CDON: variants seen among roughly 807,000 people sequenced by gnomAD.
The protein encoded by CDON is cell adhesion molecule-related/down-regulated by oncogenes.
CDON carries 73 observed loss-of-function variants against 120.9 expected under a neutral mutation model. The ratio of observed to expected loss-of-function variants is 0.60; its 90% CI spans 0.50 to 0.73. The LOEUF is 0.73. Ranked by LOEUF, CDON falls within the 30% of genes least tolerant of loss-of-function variation. The pLI is 0.00. For missense variants in CDON, 1,470 were observed against 1,587.3 expected, an observed-to-expected ratio of 0.93 and a Z score of 1.26; for synonymous variants, 566 against 573.5, an observed-to-expected ratio of 0.99 and a Z score of 0.19.
Position 126,027,301 on chromosome 11 carries a change from C to G in CDON, c.-61-3764G>C, listed in dbSNP as rs755430090. Among the ~76,000 whole-genome samples the G allele has an allele frequency of 2.0e-5, 3 of 152,144 alleles. No homozygotes were observed. In the East Asian group the frequency reaches 5.8e-4, roughly 29 times the overall value. ...GCCAGTAACAGCACCCCAGGCCCAA[C>G]CTCACAAATAAACATTACTGACCAC... is the stretch of plus-strand genomic sequence containing the variant. On this transcript the variant is annotated intron_variant, in intron 1 of 19. Coordinates refer to ENST00000531738, the MANE Select transcript of CDON (RefSeq NM_001378964.1).
chr11:125,991,121 T>C (rs1004161732), intron 14 of CDON, among the ~76,000 whole-genome samples: 2 of 152,232 alleles, frequency 1.3e-5, no homozygotes, highest in African/African-American at 4.8e-5. Context: ...TTCATAAAAA[T>C]GGCATTAAAC....
chr11:126,027,098 G>A (rs1947811520), intron 1 of CDON, among the ~76,000 whole-genome samples: 1 of 152,124 alleles, frequency 6.6e-6, no homozygotes, highest in Non-Finnish European at 1.5e-5. Context: ...GCTCTCAGTT[G>A]ATTTTGGAAG....
intron 17 of CDON, among the ~76,000 whole-genome samples, chr11:125,980,662 A>G (rs1946269906): frequency 6.6e-6 from 1 of 152,106 alleles, no homozygotes; most frequent in African/African-American, 2.4e-5. Flanking sequence ...CAGTGCTACC[A>G]TCTCACTCCC....
chr11:125,961,032 G>C lies in CDON; in HGVS notation c.3705C>G (p.Pro1235=). Residue 1235 remains proline (P), a synonymous_variant, in exon 20 of 20, where the codon CCC becomes CCG. Coordinates refer to ENST00000531738, the MANE Select transcript of CDON (RefSeq NM_001378964.1). The stretch of plus-strand genomic sequence containing the variant: ...ACATTGTCTTCTCAGCACAGCCCTC[G>C]GGGACAGGTGGCAAAATAAGAGCAT... The part of the protein sequence containing the change: ...SWNALILPPV[P]EGCAEKTMWS... 6.2e-7 allele frequency: 1 copy of C among 1,613,974 alleles called. No individual in the cohort carries two copies.
chr11:125,961,504 TG>T, intron 19 of CDON: 1 of 619,718 alleles, frequency 1.6e-6, no homozygotes, highest in Non-Finnish European at 2.8e-6. Flanking sequence ...GTGATGGGAT[TG>T]ACAGCCTGAG....
chr11:126,021,666 A>G, intron 2 of CDON, 146 bp from the exon 3 acceptor site: 3 of 776,074 alleles, frequency 3.9e-6, no homozygotes, highest in Non-Finnish European at 6.0e-6. Flanking sequence ...TGATGCTTGT[A>G]AAAGTTCTAG....
At position 125,960,742 on chromosome 11, in the gene CDON, A is replaced by C; in HGVS notation, c.*200T>G. ...GTTTCCTACCGAGGGGGAGGAAGGAATGGGGAAGAAAACATTTAAGGCATA... is the reference window on the plus strand; with the variant it reads ...GTTTCCTACCGAGGGGGAGGAAGGACTGGGGAAGAAAACATTTAAGGCATA... On this transcript the variant is annotated 3_prime_UTR_variant, in exon 20 of 20. Transcript: ENST00000531738. 1.2e-5 allele frequency: 7 copies of C among 593,006 alleles called. No homozygotes were observed. The highest frequency in any genetic ancestry group is 3.0e-5 in the East Asian group (1 of 33,830). The allele number at this position is 593,006 out of a possible 1,614,324, so 36.7% of individuals were successfully genotyped here. A position where few individuals can be genotyped will look rare whatever the true frequency, so the allele number is the denominator to read the frequency against.
Position 125,999,228 on chromosome 11 carries a change from G to A in CDON, c.2159-1818C>T, listed in dbSNP as rs756333089. On this transcript the variant is annotated intron_variant, in intron 11 of 19. Coordinates refer to ENST00000531738, the MANE Select transcript of CDON (RefSeq NM_001378964.1). The stretch of plus-strand genomic sequence containing the variant: ...CCAAACAACTTCCTTATGTTGATTC[G>A]TCTGAAATCAAAACTCACCAAACAC... Among the ~76,000 whole-genome samples the A allele has an allele frequency of 2.6e-5, 4 of 152,032 alleles. No individual in the cohort carries two copies. In the South Asian group the frequency reaches 6.2e-4, roughly 24 times the overall value.
intron 10 of CDON, among the ~76,000 whole-genome samples, chr11:126,003,393 A>G (rs1017485800): frequency 6.6e-5 from 10 of 152,212 alleles, no homozygotes; most frequent in African/African-American, 2.4e-4. Flanking sequence ...CTTGTATAAC[A>G]TAAGCTTTCA....
Position 125,981,087 on chromosome 11 carries a change from T to C in CDON, c.3238A>G (p.Thr1080Ala), listed in dbSNP as rs758239580. 16 of 1,614,056 alleles carry C rather than the reference T, an allele frequency of 9.9e-6. No homozygotes were observed. The highest frequency in any genetic ancestry group is 3.3e-5 in the South Asian group (3 of 91,086). The change falls in exon 17 of 20, where the codon ACA becomes GCA. Residue 1080 changes from threonine (T) to alanine (A), a missense_variant. By Grantham distance (58) the Thr-to-Ala change is moderately conservative. Transcript: ENST00000531738. ...YSGHSNSLTR[T>A]HVDFEHPHHL... is the part of the protein sequence containing the mutation. ...TGAGGATGTTCAAAATCCACGTGTGTCCTGGTTAGAGAGTTGCTGTGCCCG... is the reference window on the plus strand; with the variant it reads ...TGAGGATGTTCAAAATCCACGTGTGCCCTGGTTAGAGAGTTGCTGTGCCCG...
chr11:125,994,958 G>C lies in CDON; in HGVS notation c.2457C>G (p.Pro819=). ...TTATTGGACGGCTGGAAAAGCGATTGGGGAACCCAACCACTTGATAAGGAC... is the reference window on the plus strand; with the variant it reads ...TTATTGGACGGCTGGAAAAGCGATTCGGGAACCCAACCACTTGATAAGGAC... ...ASRPYQVVGF[P]NRFSSRPITG... Residue 819 remains proline, a synonymous_variant, in exon 13 of 20, where the codon CCC becomes CCG. Transcript: ENST00000531738. The C allele has an allele frequency of 6.2e-7, 1 of 1,614,052 alleles. No homozygotes were observed. The highest frequency in any genetic ancestry group is 1.3e-5 in the African/African-American group (1 of 75,050).
intron 18 of CDON, among the ~76,000 whole-genome samples, chr11:125,971,417 T>A (rs1052192600): frequency 3.2e-5 from 3 of 92,778 alleles, no homozygotes; most frequent in African/African-American, 1.1e-4. Flanking sequence ...TAAATAATAA[T>A]AATTAATGTT....
intron 1 of CDON, among the ~76,000 whole-genome samples, chr11:126,051,650 T>TC (rs1277794793): frequency 1.2e-4 from 16 of 133,270 alleles, no homozygotes; most frequent in African/African-American, 4.2e-4. Flanking sequence ...GCTATTTTTT[T>TC]TCTTTTTTTT....
At chr11:126,039,824 G>A (rs918339880) in intron 1 of CDON, among the ~76,000 whole-genome samples, 4 of 152,004 alleles carry the variant, frequency 2.6e-5, no homozygotes, top group Admixed American at 6.6e-5. Flanking sequence ...AAAATAAGCC[G>A]AACTCTTAGA....
At chr11:125,996,335 T>C (rs1946781664) in intron 12 of CDON, among the ~76,000 whole-genome samples, 2 of 151,874 alleles carry the variant, frequency 1.3e-5, no homozygotes, top group Non-Finnish European at 2.9e-5. Flanking sequence ...AAAAGTTGAG[T>C]TTGTGAAGAA....
chr11:125,966,137 CAA>C (rs35651493), intron 18 of CDON, among the ~76,000 whole-genome samples: 24 of 120,362 alleles, frequency 2.0e-4, no homozygotes, highest in East Asian at 4.4e-4. Flanking sequence ...AATTCCATCT[CAA>C]AAAAAAAAAA....
At chr11:125,995,594 G>C (rs1027376096) in intron 12 of CDON, among the ~76,000 whole-genome samples, 5 of 152,198 alleles carry the variant, frequency 3.3e-5, no homozygotes, top group African/African-American at 1.2e-4. Context: ...ACTGTGGAAG[G>C]AATTGTTTGA....
intron 1 of CDON, among the ~76,000 whole-genome samples, chr11:126,043,242 T>G (rs1174567042): frequency 6.6e-6 from 1 of 152,152 alleles, no homozygotes; most frequent in Non-Finnish European, 1.5e-5. Flanking sequence ...GGCTCCTTCC[T>G]GCAAACAATC....
intron 6 of CDON, 33 bp from the exon 7 acceptor site, chr11:126,015,543 C>T (rs761147108): frequency 6.2e-7 from 1 of 1,607,802 alleles, no homozygotes; most frequent in Non-Finnish European, 8.5e-7. Flanking sequence ...AAACTCTAGC[C>T]CTCAAAATGT....
Sources: allele counts gnomAD v4.1 joint callset (sites outside exome capture counted in the v4.1 genomes callset), GRCh38; gene constraint gnomAD v4.1.1; transcripts MANE v1.5; gene names NCBI Gene and HGNC (gene_info 2026-07-23, HGNC 2026-07-21).